Variants in HDAC8 observed in about 807,000 individuals in gnomAD.
HDAC8 encodes histone deacetylase 8, also known as histone deacetylase-like 1.
A neutral mutation model predicts 32.2 loss-of-function variants in HDAC8; 1 was observed. The observed-to-expected ratio is 0.03, with a 90% CI of 0.01 to 0.15. The LOEUF is 0.15. Among genes scored for constraint, HDAC8 ranks in the 10% least tolerant of loss-of-function variants. The probability of loss-of-function intolerance (pLI) is 1.00; values close to 1 mark genes in which losing one functional copy is unlikely to be tolerated. For synonymous variants in HDAC8, 108 were observed against 113.9 expected (o/e 0.95, Z 0.33); for missense variants, 117 against 300.0 (o/e 0.39, Z 4.51).
intron 1 of HDAC8, 156 bp downstream of exon 1, chrX:72,572,495 T>C (rs2052130223): frequency 6.7e-6 from 3 of 450,986 alleles, no homozygotes; most frequent in Non-Finnish European, 1.1e-5. Context: ...ATGAGAACAC[T>C]TCCTTCTGAT....
At chrX:72,488,876 C>A (rs1485669691) in intron 7 of HDAC8, 57 bp downstream of exon 7, 2 of 675,062 alleles carry the variant, frequency 3.0e-6, no homozygotes, top group African/African-American at 4.6e-5. Context: ...GAGATGGGGG[C>A]CATTTCATCC....
chrX:72,377,565 G>A (rs534942615), intron 9 of HDAC8, among the ~76,000 whole-genome samples: 1 of 111,632 alleles, frequency 9.0e-6, no homozygotes, highest in African/African-American at 3.2e-5. Flanking sequence ...TGTTGCATAT[G>A]TTTTGGTGCT....
chrX:72,529,651 C>G (rs1276586632), intron 4 of HDAC8, among the ~76,000 whole-genome samples: 3 of 112,206 alleles, frequency 2.7e-5, no homozygotes, highest in Non-Finnish European at 5.6e-5. Context: ...TTTGTTACAG[C>G]AGCAATAAGA....
intron 9 of HDAC8, among the ~76,000 whole-genome samples, chrX:72,457,697 G>C (rs782192497): frequency 8.9e-6 from 1 of 111,949 alleles, no homozygotes; most frequent in African/African-American, 3.2e-5. Flanking sequence ...TGGAATTAAA[G>C]AAGACTCAAG....
At chrX:72,407,552 C>A (rs1280327196) in intron 9 of HDAC8, among the ~76,000 whole-genome samples, 1 of 111,591 alleles carries the variant, frequency 9.0e-6, no homozygotes, top group African/African-American at 3.3e-5. Flanking sequence ...AAAAGTCTCA[C>A]AACAATAAGG....
At chrX:72,431,836 A>G (rs1386733771) in intron 9 of HDAC8, among the ~76,000 whole-genome samples, 5 of 112,118 alleles carry the variant, frequency 4.5e-5, no homozygotes, top group African/African-American at 1.3e-4. Flanking sequence ...ATACTTACTA[A>G]GCATTTATCA....
At chrX:72,340,992 C>A (rs2043873416) in intron 10 of HDAC8, among the ~76,000 whole-genome samples, 1 of 111,560 alleles carries the variant, frequency 9.0e-6, no homozygotes, top group African/African-American at 3.3e-5. Context: ...GGTCACTGAG[C>A]CCAGCCGTGA....
chrX:72,376,403 T>C (rs1253773476), intron 9 of HDAC8, among the ~76,000 whole-genome samples: 2 of 112,136 alleles, frequency 1.8e-5, no homozygotes, highest in Non-Finnish European at 3.8e-5. Flanking sequence ...TTCTTCTTGC[T>C]GTAATTTTTA....
At chrX:72,539,530 G>A (rs1201642423) in intron 4 of HDAC8, among the ~76,000 whole-genome samples, 5 of 110,899 alleles carry the variant, frequency 4.5e-5, no homozygotes, top group South Asian at 3.8e-4. Flanking sequence ...ATGAGCCACC[G>A]TGCCTGGCCT....
intron 7 of HDAC8, among the ~76,000 whole-genome samples, chrX:72,486,876 G>A (rs2048693706): frequency 9.0e-6 from 1 of 111,696 alleles, no homozygotes; most frequent in South Asian, 3.8e-4. Context: ...TGGTACCCTT[G>A]GAATCAGAGG....
chrX:72,486,152 T>C (rs782542282), intron 7 of HDAC8, among the ~76,000 whole-genome samples: 16 of 111,822 alleles, frequency 1.4e-4, no homozygotes, highest in African/African-American at 4.9e-4. Flanking sequence ...GAAAAGAAGA[T>C]AGTAGATAAA....
At chrX:72,397,024 G>A (rs1202478786) in intron 9 of HDAC8, among the ~76,000 whole-genome samples, 1 of 111,314 alleles carries the variant, frequency 9.0e-6, no homozygotes. Context: ...GAGGCCTCAG[G>A]AAGCTTACAA....
chrX:72,485,995 G>A (rs1243771666), intron 7 of HDAC8, among the ~76,000 whole-genome samples: 8 of 110,816 alleles, frequency 7.2e-5, no homozygotes, highest in African/African-American at 1.6e-4. Context: ...GGTGGCAGGC[G>A]CCTGTAGTCC....
chrX:72,556,423 G>A (rs782429163), intron 4 of HDAC8, among the ~76,000 whole-genome samples: 1 of 111,620 alleles, frequency 9.0e-6, no homozygotes, highest in Non-Finnish European at 1.9e-5. Context: ...AACATTGAAC[G>A]TAGCCTAAAT....
chrX:72,565,635 C>T (rs1556131994), intron 4 of HDAC8, among the ~76,000 whole-genome samples: 1 of 111,794 alleles, frequency 8.9e-6, no homozygotes, highest in Admixed American at 9.5e-5. Flanking sequence ...CCTAGTAGGC[C>T]TTCTGCAGTT....
chrX:72,491,450 G>A (rs1475655767), intron 5 of HDAC8, among the ~76,000 whole-genome samples: 2 of 112,104 alleles, frequency 1.8e-5, no homozygotes, highest in Admixed American at 1.9e-4. Flanking sequence ...TTCCAAAGAC[G>A]TACAACGTGA....
At chrX:72,399,556 T>C (rs2147870729) in intron 9 of HDAC8, among the ~76,000 whole-genome samples, 1 of 112,043 alleles carries the variant, frequency 8.9e-6, no homozygotes, top group African/African-American at 3.2e-5. Flanking sequence ...TGATTCAGAC[T>C]ATATATTGAT....
At chrX:72,483,711 C>T in intron 7 of HDAC8, among the ~76,000 whole-genome samples, 1 of 111,569 alleles carries the variant, frequency 9.0e-6, no homozygotes, top group Non-Finnish European at 1.9e-5. Flanking sequence ...GGCCCCAGAC[C>T]CCAGGAATTG....
chrX:72,542,718 G>A (rs1169073128), intron 4 of HDAC8, among the ~76,000 whole-genome samples: 2 of 112,032 alleles, frequency 1.8e-5, no homozygotes, highest in Non-Finnish European at 3.8e-5. Context: ...GCTGCTGTAG[G>A]AGGTCTATGG....
Sources: gnomAD v4.1 joint callset for allele counts (sites outside exome capture counted in the v4.1 genomes callset) on GRCh38, gnomAD v4.1.1 for gene constraint, MANE v1.5 for transcripts, NCBI Gene and HGNC (gene_info 2026-07-23, HGNC 2026-07-21) for gene names.